The following KIF20A variants were observed in gnomAD, a reference collection of about 807,000 sequenced individuals.
KIF20A encodes the protein kinesin-like protein KIF20A.
In KIF20A, 66 loss-of-function variants were observed where a neutral mutation model predicts 113.0. The ratio of observed to expected loss-of-function variants is 0.58; its 90% CI spans 0.48 to 0.72. KIF20A has a LOEUF of 0.72. Among genes scored for constraint, KIF20A ranks in the 30% least tolerant of loss-of-function variants. KIF20A has a pLI of 0.00. For synonymous variants in KIF20A, 376 were observed against 402.3 expected, an observed-to-expected ratio of 0.93 and a Z score of 0.78; for missense variants, 927 against 1,077.6, an observed-to-expected ratio of 0.86 and a Z score of 1.96.
intron 4 of KIF20A, among the ~76,000 whole-genome samples, chr5:138,182,077 T>C (rs1485441076): frequency 6.6e-6 from 1 of 152,142 alleles, no homozygotes; most frequent in Non-Finnish European, 1.5e-5. Context: ...TATTGCCCCA[T>C]TGTGTGTGCA....
At chr5:138,186,236 C>CAGATCATTA in intron 17 of KIF20A, 58 bp from the exon 18 acceptor site, 1 of 1,567,618 alleles carries the variant, frequency 6.4e-7, no homozygotes, top group East Asian at 2.2e-5. Flanking sequence ...CTGACCCCTC[C>CAGATCATTA]AGATCATTAT....
Position 138,182,760 on chromosome 5 carries a change from G to C in KIF20A, c.689G>C (p.Gly230Ala). The C allele has an allele frequency of 6.2e-7, 1 of 1,613,724 alleles. No individual in the cohort carries two copies. Among genetic ancestry groups the C allele is most frequent in the Non-Finnish European group, 8.5e-7 (1 of 1,180,016 alleles). Reference sequence around the variant, plus strand: ...ATGAAGAAGCTGTCCCTGCTAAATGGAGGCCTCCAAGAGGTAAAGCATTGG... The same window carrying C: ...ATGAAGAAGCTGTCCCTGCTAAATGCAGGCCTCCAAGAGGTAAAGCATTGG... ...EEMKKLSLLN[G>A]GLQEEELSTS... is the part of the protein sequence containing the mutation. Residue 230 changes from glycine to alanine, a missense_variant, in exon 6 of 19, where the codon GGA (glycine) becomes GCA (alanine). Transcript: ENST00000394894.
In KIF20A at chr5:138,187,291, C is replaced by T. The variant is rs1206681263; in HGVS notation, c.2551C>T (p.Arg851Ter). 1.2e-5 allele frequency: 20 copies of T among 1,614,070 alleles called. No homozygotes were observed. The highest frequency in any genetic ancestry group is 3.3e-5 in the South Asian group (3 of 91,088). ...QQPPGKKPFLRNLLPRTPTCQ... is the reference protein window; with the variant it reads ...QQPPGKKPFL Reference sequence around the variant, plus strand: ...ACCACCAGGGAAGAAACCATTCCTTCGAAATTTACTTCCCCGAACACCAAC... The same window carrying T: ...ACCACCAGGGAAGAAACCATTCCTTTGAAATTTACTTCCCCGAACACCAAC... The change falls in exon 19 of 19, where the codon CGA (arginine) becomes TGA (stop). Residue 851 changes from arginine to a stop codon, truncating the protein, a stop_gained. Transcript: ENST00000394894. LOFTEE classifies it high-confidence loss of function.
rs763906851 is a variant in KIF20A, at chr5:138,185,153, A to T, written c.1882A>T (p.Ile628Phe). The T allele has an allele frequency of 2.5e-6, 4 of 1,613,926 alleles. No individual in the cohort carries two copies. The South Asian group carries it at 3.3e-5, about 13-fold the overall frequency. Residue 628 changes from isoleucine to phenylalanine, a missense_variant, in exon 15 of 19, where the codon ATC (isoleucine) becomes TTC (phenylalanine). By Grantham distance (21) the Ile-to-Phe change is conservative. Coordinates refer to ENST00000394894, the MANE Select transcript of KIF20A (RefSeq NM_005733.3). ...LEEMYEEKLN[I>F]LKESLTSFYQ... ...GGAAATGTATGAAGAAAAACTAAAT[A>T]TCCTCAAGGAGTCACTGACAAGTTT...
In KIF20A at chr5:138,184,789, CAT is replaced by C. The variant is rs781433326; in HGVS notation, c.1684-17_1684-16del. 7 of 1,613,794 alleles carry C rather than the reference CAT, an allele frequency of 4.3e-6. No individual in the cohort carries two copies. The highest frequency in any genetic ancestry group is 3.3e-5 in the Admixed American group (2 of 59,998). ...GGCATGAGCATCTGATGACCTCTGACATGTGTGTCTCTCCTAGGAGCTCCTAC... is the reference window on the plus strand; with the variant it reads ...GGCATGAGCATCTGATGACCTCTGACGTGTGTCTCTCCTAGGAGCTCCTAC... On this transcript the variant is annotated splice_polypyrimidine_tract_variant and intron_variant, in intron 13 of 18. Coordinates refer to ENST00000394894, the MANE Select transcript of KIF20A (RefSeq NM_005733.3).
Position 138,185,996 on chromosome 5 carries a change from C to T in KIF20A, c.2161C>T (p.Pro721Ser). The T allele has an allele frequency of 6.2e-7, 1 of 1,614,102 alleles. No individual in the cohort carries two copies. ...HKYQKMLEPP[P>S]SAKPFTIDVD... ...GTATCAGAAAATGTTAGAACCACCA[C>T]CCTCAGCCAAGCCCTTCACCATTGA... Residue 721 changes from proline (P) to serine (S), a missense_variant, in exon 17 of 19, where the codon CCC (proline) becomes TCC (serine). Pro to Ser is a moderately conservative substitution (Grantham distance 74). Coordinates refer to ENST00000394894, the MANE Select transcript of KIF20A (RefSeq NM_005733.3).
At chr5:138,180,672 T>G (rs1280629772) in intron 2 of KIF20A, among the ~76,000 whole-genome samples, 3 of 151,394 alleles carry the variant, frequency 2.0e-5, no homozygotes, top group Admixed American at 1.3e-4. Flanking sequence ...GTTTTTTTTG[T>G]TTTTTGGGTT....
rs1754701010 is a variant in KIF20A, at chr5:138,183,895, T to C, written c.1209-67T>C. 6.2e-7 allele frequency: 1 copy of C among 1,606,636 alleles called. No individual in the cohort carries two copies. The highest frequency in any genetic ancestry group is 8.5e-7 in the Non-Finnish European group (1 of 1,175,038). ...TTAGTGGGCCGTCCCCTCTCCAGAA[T>C]TATACAAAGGGCCAGAAGGCTCATA... On this transcript the variant is annotated intron_variant, in intron 10 of 18. Coordinates refer to ENST00000394894, the MANE Select transcript of KIF20A (RefSeq NM_005733.3). This position sits in a 1 kb window ranked among gnomAD's most constrained non-coding sequence, Gnocchi z 5.2.
chr5:138,183,110 G>A lies in KIF20A; in HGVS notation c.833-59G>A. The A allele has an allele frequency of 6.2e-7, 1 of 1,603,106 alleles. No individual in the cohort carries two copies. Reference sequence around the variant, plus strand: ...AGGTCTGCCTTCCAAGGCCCCTGCAGGCCAAAAGAGAGGTGAACTGCTCTA... The same window carrying A: ...AGGTCTGCCTTCCAAGGCCCCTGCAAGCCAAAAGAGAGGTGAACTGCTCTA... On this transcript the variant is annotated intron_variant, in intron 7 of 18. Coordinates refer to ENST00000394894, the MANE Select transcript of KIF20A (RefSeq NM_005733.3). The surrounding 1 kb of genome is among the most constrained non-coding windows in gnomAD (Gnocchi z 5.2).
intron 2 of KIF20A, among the ~76,000 whole-genome samples, chr5:138,180,819 G>A (rs1754650020): frequency 6.6e-6 from 1 of 152,170 alleles, no homozygotes; most frequent in Admixed American, 6.5e-5. Flanking sequence ...TGGAATTACA[G>A]GCACCTACCA....
intron 14 of KIF20A, 42 bp downstream of exon 14, chr5:138,184,988 G>A: frequency 1.2e-6 from 2 of 1,610,246 alleles, no homozygotes; most frequent in Non-Finnish European, 1.7e-6. Context: ...ACCTGAGACA[G>A]AGGGTGGGAA....
At chr5:138,179,228 C>T in intron 1 of KIF20A, 26 bp downstream of exon 1, 1 of 191,680 alleles carries the variant, frequency 5.2e-6, no homozygotes, top group Non-Finnish European at 1.1e-5. Context: ...TGCTGGAGCC[C>T]GGGTTACCAG....
At position 138,187,580 on chromosome 5, in the gene KIF20A, C is replaced by T. The variant is rs1356764037; in HGVS notation, c.*167C>T. 1 of 535,692 alleles carries T rather than the reference C, an allele frequency of 1.9e-6. No homozygotes were observed. The highest frequency in any genetic ancestry group is 3.0e-5 in the East Asian group (1 of 33,370). 33.2% of individuals were successfully genotyped at this position (535,692 alleles called of 1,614,324 possible). A position where few individuals can be genotyped will look rare whatever the true frequency, so the allele number is the denominator to read the frequency against. ...TTTGTATTATAACCACCTATGTAAT[C>T]TCATGTTGTTGTTTTTTTTTATTTA... is the stretch of plus-strand genomic sequence containing the variant. On this transcript the variant is annotated 3_prime_UTR_variant, in exon 19 of 19. Coordinates refer to ENST00000394894, the MANE Select transcript of KIF20A (RefSeq NM_005733.3).
intron 13 of KIF20A, 35 bp from the exon 14 acceptor site, chr5:138,184,772 C>A (rs1754718044): frequency 1.2e-6 from 2 of 1,612,382 alleles, no homozygotes; most frequent in East Asian, 2.2e-5. Context: ...AGGGCATGAG[C>A]ATCTGATGAC....
At position 138,184,655 on chromosome 5, in the gene KIF20A, C is replaced by T. The variant is rs1754715524; in HGVS notation, c.1662C>T (p.Asp554=). 1.9e-6 allele frequency: 3 copies of T among 1,614,036 alleles called. No individual in the cohort carries two copies. The highest frequency in any genetic ancestry group is 2.5e-6 in the Non-Finnish European group (3 of 1,180,018). ...ATGATGATATTGAAAATGAAGCTGA[C>T]ATCTCCATGTATGGCAAAGAGGTGA... The part of the protein sequence containing the change: ...GLDDDIENEA[D]ISMYGKEELL... The change falls in exon 13 of 19, where the codon GAC becomes GAT. Residue 554 remains aspartate (D), a synonymous_variant. Coordinates refer to ENST00000394894, the MANE Select transcript of KIF20A (RefSeq NM_005733.3).
At position 138,185,559 on chromosome 5, in the gene KIF20A, C is replaced by T; in HGVS notation, c.1974C>T (p.Ala658=). ...IEELEALLQE[A]RQQSVAHQQS... is the part of the protein sequence containing the mutation. ...AGCTAGAAGCTCTCTTGCAGGAAGC[C>T]AGACAACAGTCAGTGGCCCATCAGC... The change falls in exon 16 of 19, where the codon GCC becomes GCT. Residue 658 remains alanine (A), a synonymous_variant. Transcript: ENST00000394894. 6.2e-7 allele frequency: 1 copy of T among 1,614,066 alleles called. No individual in the cohort carries two copies. Among genetic ancestry groups the T allele is most frequent in the Non-Finnish European group, 8.5e-7 (1 of 1,180,026 alleles).
chr5:138,187,135 G>C lies in KIF20A; in HGVS notation c.2395G>C (p.Val799Leu), dbSNP rs752323296. Residue 799 changes from valine to leucine, a missense_variant, in exon 19 of 19, where the codon GTG becomes CTG. Val to Leu is a conservative substitution (Grantham distance 32). Transcript: ENST00000394894. ...LAELQNNMVL[V>L]KLDLRKKAAC... ...TGAACTGCAGAACAACATGGTGCTA[G>C]TGAAACTGGACCTTCGGAAGAAGGC... is the stretch of plus-strand genomic sequence containing the variant. The C allele has an allele frequency of 6.2e-7, 1 of 1,613,474 alleles. No individual in the cohort carries two copies. Among genetic ancestry groups the C allele is most frequent in the Non-Finnish European group, 8.5e-7 (1 of 1,179,440 alleles).
Position 138,185,672 on chromosome 5 carries a change from T to G in KIF20A, c.2087T>G (p.Leu696Ter). ...TQQLQEVKAK[L>*]QQCKAELNST... ...CAGCTTCAGGAGGTTAAAGCTAAAT[T>G]ACAGCAGTGCAAAGCAGAGCTAAAC... The change falls in exon 16 of 19, where the codon TTA (leucine) becomes TGA (stop). Residue 696 changes from leucine (L) to a stop codon, truncating the protein, a stop_gained. Coordinates refer to ENST00000394894, the MANE Select transcript of KIF20A (RefSeq NM_005733.3). LOFTEE classifies it high-confidence loss of function. 6.2e-7 allele frequency: 1 copy of G among 1,614,136 alleles called. No individual in the cohort carries two copies. The highest frequency in any genetic ancestry group is 1.3e-5 in the African/African-American group (1 of 75,050).
Position 138,181,735 on chromosome 5 carries a change from AG to A in KIF20A, c.375+10del, listed in dbSNP as rs1319604918. On this transcript the variant is annotated splice_region_variant and intron_variant, in intron 4 of 18. Transcript: ENST00000394894. ...CAGGTTCACCTTTTCCCAGGTATGG[AG>A]GGTACTGGTTTGTGAACAAAAGACC... 1 of 1,613,460 alleles carries A rather than the reference AG, an allele frequency of 6.2e-7. No homozygotes were observed. The highest frequency in any genetic ancestry group is 2.2e-5 in the East Asian group (1 of 44,870).
Sources: allele counts gnomAD v4.1 joint callset (sites outside exome capture counted in the v4.1 genomes callset), GRCh38; gene constraint gnomAD v4.1.1; non-coding constraint Gnocchi (gnomAD v3.1); transcripts MANE v1.5; gene names NCBI Gene and HGNC (gene_info 2026-07-23, HGNC 2026-07-21).